GRID2: variants seen among roughly 807,000 people sequenced by gnomAD.
GRID2 encodes glutamate receptor ionotropic, delta-2.
GRID2 carries 33 observed loss-of-function variants against 114.8 expected under a neutral mutation model. The ratio of observed to expected loss-of-function variants is 0.29; its 90% CI spans 0.22 to 0.38. GRID2 has a LOEUF of 0.38. Ranked by LOEUF, GRID2 falls within the 10% of genes least tolerant of loss-of-function variation. GRID2 has a pLI of 1.00. For synonymous variants in GRID2, 505 were observed against 449.9 expected, an observed-to-expected ratio of 1.12 and a Z score of -1.55; for missense variants, 1,184 against 1,257.7, an observed-to-expected ratio of 0.94 and a Z score of 0.89.
intron 2 of GRID2, among the ~76,000 whole-genome samples, chr4:92,861,796 T>C (rs981138729): frequency 6.6e-6 from 1 of 152,040 alleles, no homozygotes; most frequent in African/African-American, 2.4e-5. Flanking sequence ...GTTCCTATTG[T>C]TCACATTTTA....
intron 1 of GRID2, among the ~76,000 whole-genome samples, chr4:92,527,533 T>C (rs552903423): frequency 3.4e-4 from 52 of 152,222 alleles, no homozygotes; most frequent in African/African-American, 1.2e-3. Context: ...ATGGGAGATA[T>C]AGTCATCTGA....
At chr4:92,970,335 A>G (rs563359249) in intron 2 of GRID2, among the ~76,000 whole-genome samples, 1 of 152,054 alleles carries the variant, frequency 6.6e-6, no homozygotes, top group Admixed American at 6.6e-5. Context: ...CCAAAGCAAA[A>G]CAGGATATAT....
chr4:93,146,357 A>C (rs933549329), intron 4 of GRID2, among the ~76,000 whole-genome samples: 1 of 152,204 alleles, frequency 6.6e-6, no homozygotes. Context: ...GGGCAATTCA[A>C]TTTTGATAAA....
At chr4:93,431,156 A>G (rs769253766) in intron 10 of GRID2, among the ~76,000 whole-genome samples, 3 of 152,204 alleles carry the variant, frequency 2.0e-5, no homozygotes, top group Non-Finnish European at 4.4e-5. Context: ...GTGGTTGTGT[A>G]ACTAATTGGG....
At position 93,110,915 on chromosome 4, in the gene GRID2, G is replaced by T. The variant is rs540564876; in HGVS notation, c.697G>T (p.Val233Phe). 1 of 1,612,932 alleles carries T rather than the reference G, an allele frequency of 6.2e-7. No individual in the cohort carries two copies. Among genetic ancestry groups the T allele is most frequent in the Non-Finnish European group, 8.5e-7 (1 of 1,178,944 alleles). ...YRDTLRRAIL[V>F]MNPATAKSFI... ...AGACACTCTTAGGCGAGCGATCCTT[G>T]TTATGAATCCTGCTACAGCCAAATC... Residue 233 changes from valine to phenylalanine, a missense_variant, in exon 4 of 16, where the codon GTT becomes TTT. This residue lies in a region of GRID2 where 455 missense variants were observed against 429.5 expected (regional missense o/e 1.06). Transcript: ENST00000282020.
At chr4:93,336,336 AT>A (rs1031018775) in intron 8 of GRID2, among the ~76,000 whole-genome samples, 2 of 152,032 alleles carry the variant, frequency 1.3e-5, no homozygotes, top group African/African-American at 2.4e-5. Flanking sequence ...CTTTCAACAT[AT>A]TTTTTATGCT....
chr4:92,841,798 T>G (rs1742916311), intron 2 of GRID2, among the ~76,000 whole-genome samples: 1 of 152,106 alleles, frequency 6.6e-6, no homozygotes, highest in African/African-American at 2.4e-5. Flanking sequence ...AGCTTAATTT[T>G]TTTTTTCCTT....
At chr4:93,068,542 A>C (rs1728517685) in intron 2 of GRID2, among the ~76,000 whole-genome samples, 1 of 152,106 alleles carries the variant, frequency 6.6e-6, no homozygotes, top group South Asian at 2.1e-4. Context: ...ATGTCATAGT[A>C]GATGTAATCA....
chr4:92,853,725 A>C (rs978879519), intron 2 of GRID2, among the ~76,000 whole-genome samples: 5 of 152,154 alleles, frequency 3.3e-5, no homozygotes, highest in African/African-American at 1.2e-4. Flanking sequence ...CTGATGAATT[A>C]ACAGTGAATT....
chr4:93,336,638 G>A (rs2149239515), intron 8 of GRID2, among the ~76,000 whole-genome samples: 1 of 152,222 alleles, frequency 6.6e-6, no homozygotes, highest in East Asian at 1.9e-4. Flanking sequence ...CCAAGGTGAT[G>A]TGCCAATTGT....
chr4:93,147,931 G>A (rs1338500094), intron 4 of GRID2, among the ~76,000 whole-genome samples: 1 of 152,104 alleles, frequency 6.6e-6, no homozygotes, highest in Non-Finnish European at 1.5e-5. Context: ...CAGGAATCCA[G>A]GAAACTGGAT....
intron 2 of GRID2, among the ~76,000 whole-genome samples, chr4:92,649,317 G>C (rs933686348): frequency 1.3e-5 from 2 of 149,758 alleles, no homozygotes; most frequent in Non-Finnish European, 3.0e-5. Context: ...TTGAGAACCA[G>C]ACGAGGCAAT....
At chr4:93,468,263 CT>C (rs1724481410) in intron 11 of GRID2, among the ~76,000 whole-genome samples, 2 of 152,252 alleles carry the variant, frequency 1.3e-5, no homozygotes, top group Non-Finnish European at 1.5e-5. Flanking sequence ...GTGCCAGGCA[CT>C]ATTCAAGCTG....
At chr4:92,496,587 C>CT (rs1723399380) in intron 1 of GRID2, among the ~76,000 whole-genome samples, 1 of 151,406 alleles carries the variant, frequency 6.6e-6, no homozygotes, top group African/African-American at 2.4e-5. Context: ...TTTATAGAGC[C>CT]TTTTTTCAGT....
At chr4:93,348,831 T>A (rs567863532) in intron 8 of GRID2, among the ~76,000 whole-genome samples, 1 of 152,270 alleles carries the variant, frequency 6.6e-6, no homozygotes, top group South Asian at 2.1e-4. Flanking sequence ...AAGCAGTAAA[T>A]ATAGTCTTCT....
In GRID2 at chr4:93,751,341, C is replaced by T. The variant is rs182424939; in HGVS notation, c.2361-17869C>T. Among the ~76,000 whole-genome samples the T allele has an allele frequency of 7.9e-5, 12 of 152,182 alleles. No homozygotes were observed. The East Asian group carries it at 1.2e-3, about 15-fold the overall frequency. On this transcript the variant is annotated intron_variant, in intron 14 of 15. Transcript: ENST00000282020. ...CTGGCATCTGAATATATGAATTCCC[C>T]TAGGGTGAGAATGAGACTCTATAAT...
intron 2 of GRID2, among the ~76,000 whole-genome samples, chr4:92,702,155 C>T (rs1292473001): frequency 6.6e-6 from 1 of 152,086 alleles, no homozygotes. Flanking sequence ...ATTTTTCTCC[C>T]AGTATGAAAG....
chr4:93,042,987 T>A (rs1254278201), intron 2 of GRID2, among the ~76,000 whole-genome samples: 1 of 151,926 alleles, frequency 6.6e-6, no homozygotes, highest in African/African-American at 2.4e-5. Flanking sequence ...AGGACATATT[T>A]TAGAGGAGTG....
At chr4:93,248,096 C>T (rs1056685432) in intron 8 of GRID2, among the ~76,000 whole-genome samples, 1 of 151,886 alleles carries the variant, frequency 6.6e-6, no homozygotes, top group Admixed American at 6.6e-5. Flanking sequence ...TACACACACA[C>T]ACACACACCA....
Sources: allele counts gnomAD v4.1 joint callset (sites outside exome capture counted in the v4.1 genomes callset), GRCh38; gene constraint gnomAD v4.1.1; regional missense constraint gnomAD v4.1.1; transcripts MANE v1.5; gene names NCBI Gene and HGNC (gene_info 2026-07-23, HGNC 2026-07-21).